Variants in CDH23 observed in about 807,000 individuals in gnomAD.
CDH23 encodes the protein cadherin-23.
CDH23 carries 189 observed loss-of-function variants against 317.1 expected under a neutral mutation model. The observed-to-expected ratio is 0.60, with a 90% confidence interval of 0.53 to 0.67. The LOEUF (loss-of-function observed/expected upper bound fraction) is 0.67. CDH23 is among the 30% of genes least tolerant of loss of function. CDH23 has a pLI of 0.00. For missense variants in CDH23, 4,401 were observed against 4,592.4 expected (o/e 0.96, Z 1.20); for synonymous variants, 1,839 against 1,876.8 (o/e 0.98, Z 0.52).
intron 3 of CDH23, among the ~76,000 whole-genome samples, chr10:71,486,661 C>T (rs1852363669): frequency 6.6e-6 from 1 of 152,218 alleles, no homozygotes; most frequent in South Asian, 2.1e-4. Flanking sequence ...GCCATAGCCA[C>T]AGTTGCATGG....
chr10:71,653,525 G>T (rs1175760911), intron 14 of CDH23, among the ~76,000 whole-genome samples: 2 of 152,244 alleles, frequency 1.3e-5, no homozygotes, highest in African/African-American at 4.8e-5. Context: ...AGGAAAGCCA[G>T]TTCACTGCCT....
chr10:71,547,416 CAG>C (rs1856342776), intron 6 of CDH23, among the ~76,000 whole-genome samples: 2 of 152,188 alleles, frequency 1.3e-5, no homozygotes, highest in Non-Finnish European at 2.9e-5. Flanking sequence ...GGCGAGGAGT[CAG>C]TGAAGCCGAG....
chr10:71,473,444 A>G (rs1056381782), intron 3 of CDH23, among the ~76,000 whole-genome samples: 13 of 152,152 alleles, frequency 8.5e-5, no homozygotes, highest in African/African-American at 3.1e-4. Flanking sequence ...GTGCTGGTAT[A>G]CGATGGGGCT....
intron 9 of CDH23, among the ~76,000 whole-genome samples, chr10:71,586,253 AG>A (rs2132429680): frequency 6.6e-6 from 1 of 152,352 alleles, no homozygotes; most frequent in Non-Finnish European, 1.5e-5. Flanking sequence ...ACATGTCAAC[AG>A]GAACTTGTCT....
intron 6 of CDH23, among the ~76,000 whole-genome samples, chr10:71,562,292 C>T (rs573821290): frequency 3.3e-5 from 5 of 152,304 alleles, no homozygotes; most frequent in South Asian, 2.1e-4. Context: ...CTTGCCCGTC[C>T]GGCCACCTCC....
intron 6 of CDH23, among the ~76,000 whole-genome samples, chr10:71,566,087 T>C (rs1857382363): frequency 6.6e-6 from 1 of 152,142 alleles, no homozygotes; most frequent in African/African-American, 2.4e-5. Flanking sequence ...AGGGCCTGTG[T>C]TCTATGCAAA....
rs1054569887 is a variant in CDH23 at position 71,784,355 on chromosome 10, A to G, written c.5437A>G (p.Thr1813Ala). 8 of 1,613,824 alleles carry G rather than the reference A, an allele frequency of 5.0e-6. No individual in the cohort carries two copies. The highest frequency in any genetic ancestry group is 6.8e-6 in the Non-Finnish European group (8 of 1,179,826). The change falls in exon 42 of 70, where the codon ACC becomes GCC. Residue 1813 changes from threonine (T) to alanine (A), a missense_variant. By Grantham distance (58) the Thr-to-Ala change is moderately conservative (BLOSUM62 0). Around this residue, in one of 3 missense-constraint regions of CDH23, gnomAD observed 3,068 missense variants for 3,203.3 expected, o/e 0.96. Coordinates refer to ENST00000224721, the MANE Select transcript of CDH23 (RefSeq NM_022124.6). ...VRKDVELDRE[T>A]IAFYNLTICA... ...GAAGGACGTGGAGCTGGACCGGGAG[A>G]CCATCGCCTTCTACAACCTGACCAT... is the stretch of plus-strand genomic sequence containing the variant.
At chr10:71,670,688 A>T (rs1305461701) in intron 14 of CDH23, among the ~76,000 whole-genome samples, 1 of 152,180 alleles carries the variant, frequency 6.6e-6, no homozygotes, top group Non-Finnish European at 1.5e-5. Flanking sequence ...TGTGGACACT[A>T]GGGTATGGAT....
chr10:71,705,466 C>T (rs1554858480), intron 25 of CDH23, among the ~76,000 whole-genome samples: 1 of 152,182 alleles, frequency 6.6e-6, no homozygotes, highest in Non-Finnish European at 1.5e-5. Context: ...CATGAACAGG[C>T]AGGGAGGGTG....
chr10:71,794,099 T>G (rs1296233007), intron 48 of CDH23, among the ~76,000 whole-genome samples: 2 of 152,142 alleles, frequency 1.3e-5, no homozygotes, highest in Non-Finnish European at 2.9e-5. Context: ...CCTCCTGGGT[T>G]CAAGTGATTC....
intron 3 of CDH23, among the ~76,000 whole-genome samples, chr10:71,454,417 G>A (rs1419898780): frequency 6.6e-6 from 1 of 152,224 alleles, no homozygotes; most frequent in African/African-American, 2.4e-5. Flanking sequence ...AAGCTTCCTG[G>A]TTGCCCGCTG....
intron 3 of CDH23, among the ~76,000 whole-genome samples, chr10:71,459,112 G>A (rs1589338858): frequency 4.4e-5 from 5 of 114,100 alleles, no homozygotes; most frequent in Admixed American, 2.0e-4. Flanking sequence ...TTGTGAGATA[G>A]GGTCTTGCTC....
chr10:71,510,132 G>T lies in CDH23; in HGVS notation c.196G>T (p.Val66Leu), dbSNP rs1224263097. 3.1e-6 allele frequency: 5 copies of T among 1,614,034 alleles called. No homozygotes were observed. Among genetic ancestry groups the T allele is most frequent in the African/African-American group, 1.3e-5 (1 of 75,052 alleles). Residue 66 changes from valine to leucine, a missense_variant, in exon 4 of 70, where the codon GTG becomes TTG. Transcript: ENST00000224721. ...CCAAGACATGGACAATGACCCCCTG[G>T]TGTTTGGCGTGTCTGGGGAGGAGGC... The part of the protein sequence containing the change: ...LAQDMDNDPL[V>L]FGVSGEEASR...
In CDH23 at chr10:71,625,405, A is replaced by AC. The variant is rs1589273982; in HGVS notation, c.1134+8012_1134+8013insC. 1.5e-5 allele frequency among the ~76,000 whole-genome samples: 2 copies of AC among 132,798 alleles called. 1 individual carries two copies. The highest frequency in any genetic ancestry group is 5.6e-5 in the African/African-American group (2 of 35,474). The allele number at this position is 132,798 out of a possible 152,430, so 87.1% of individuals were successfully genotyped here. On this transcript the variant is annotated intron_variant, in intron 11 of 69. Coordinates refer to ENST00000224721, the MANE Select transcript of CDH23 (RefSeq NM_022124.6). Reference sequence around the variant, plus strand: ...ACATCACCAAATAAATTAAAAAAAAAAAAAAAAAAAAAAAAAAAATGACAA... The same window carrying AC: ...ACATCACCAAATAAATTAAAAAAAAACAAAAAAAAAAAAAAAAAAATGACAA...
At chr10:71,469,640 G>C (rs546262311) in intron 3 of CDH23, among the ~76,000 whole-genome samples, 1 of 150,580 alleles carries the variant, frequency 6.6e-6, no homozygotes, top group Non-Finnish European at 1.5e-5. Context: ...GGGTCTTGCT[G>C]TGTTGCCCAG....
chr10:71,507,190 G>A (rs1163331437), intron 3 of CDH23, among the ~76,000 whole-genome samples: 1 of 152,178 alleles, frequency 6.6e-6, no homozygotes, highest in African/African-American at 2.4e-5. Flanking sequence ...TGGACTCATT[G>A]TTGCACCTGG....
chr10:71,665,229 A>T (rs186670125), intron 14 of CDH23, among the ~76,000 whole-genome samples: 1 of 152,092 alleles, frequency 6.6e-6, no homozygotes, highest in African/African-American at 2.4e-5. Context: ...CTCCCACCAC[A>T]CCTATCCGCT....
intron 11 of CDH23, among the ~76,000 whole-genome samples, chr10:71,637,448 G>A (rs1318323781): frequency 2.6e-5 from 4 of 152,060 alleles, no homozygotes; most frequent in Non-Finnish European, 5.9e-5. Context: ...ACCAAGATTT[G>A]GCAGCTCACC....
chr10:71,517,603 G>A lies in CDH23; in HGVS notation c.429+6391G>A, dbSNP rs1403435868. ...GCTCCCACTGGCTTGTGCCTGCCAT[G>A]GCCCCTGAGTTGACAGCTCCACTCA... On this transcript the variant is annotated intron_variant, in intron 6 of 69. Coordinates refer to ENST00000224721, the MANE Select transcript of CDH23 (RefSeq NM_022124.6). 3.3e-5 allele frequency among the ~76,000 whole-genome samples: 5 copies of A among 152,216 alleles called. No homozygotes were observed. The East Asian group carries it at 9.6e-4, about 29-fold the overall frequency.
Sources: gnomAD v4.1 joint callset for allele counts (sites outside exome capture counted in the v4.1 genomes callset) on GRCh38, gnomAD v4.1.1 for gene constraint, gnomAD v4.1.1 regional missense constraint, MANE v1.5 for transcripts, NCBI Gene and HGNC (gene_info 2026-07-23, HGNC 2026-07-21) for gene names.